SLC22A23: variants seen among roughly 807,000 people sequenced by gnomAD.
The protein encoded by SLC22A23 is ion transporter protein.
SLC22A23 carries 26 observed loss-of-function variants against 61.0 expected under a neutral mutation model. The ratio of observed to expected loss-of-function variants is 0.43; its 90% confidence interval spans 0.31 to 0.59. The LOEUF is 0.59. Ranked by LOEUF, SLC22A23 falls within the 20% of genes least tolerant of loss-of-function variation. The pLI, the probability that SLC22A23 is intolerant of heterozygous loss-of-function variation, is 0.11. For missense variants in SLC22A23, 796 were observed against 934.7 expected, an observed-to-expected ratio of 0.85 and a Z score of 1.94; for synonymous variants, 430 against 413.9, an observed-to-expected ratio of 1.04 and a Z score of -0.47.
rs4479986 is a variant in SLC22A23 at position 3,327,413 on chromosome 6, T to C, written c.914-3411A>G. ...TTTTCATTCATGGGCAGCCAGACTC[T>C]CCCTGATTATGTAAAACATTTAAGG... On this transcript the variant is annotated intron_variant, in intron 3 of 9. Coordinates refer to ENST00000406686, the MANE Select transcript of SLC22A23 (RefSeq NM_015482.2). This position sits in a 1 kb window ranked among gnomAD's most constrained non-coding sequence, Gnocchi z 4.1. Among the ~76,000 whole-genome samples the C allele has an allele frequency of 0.26, 38,931 of 152,222 alleles. 6,217 individuals carry two copies. Among genetic ancestry groups the C allele is most frequent in the African/African-American group, 0.45 (18,666 of 41,508 alleles).
intron 3 of SLC22A23, among the ~76,000 whole-genome samples, chr6:3,365,246 C>G (rs190597024): frequency 6.6e-6 from 1 of 152,096 alleles, no homozygotes; most frequent in Non-Finnish European, 1.5e-5. Flanking sequence ...CACTTGAACC[C>G]GGGAGGTGGA....
At chr6:3,274,427 G>C (rs1758710566) in intron 9 of SLC22A23, among the ~76,000 whole-genome samples, 1 of 152,220 alleles carries the variant, frequency 6.6e-6, no homozygotes, top group African/African-American at 2.4e-5. Flanking sequence ...CTCCACAGCA[G>C]CAGGTAGACT....
At chr6:3,379,872 G>A (rs1390642039) in intron 3 of SLC22A23, among the ~76,000 whole-genome samples, 6 of 152,202 alleles carry the variant, frequency 3.9e-5, no homozygotes, top group Non-Finnish European at 1.5e-5. Flanking sequence ...TATTAGGGAT[G>A]ATAAATATTG....
intron 4 of SLC22A23, among the ~76,000 whole-genome samples, chr6:3,320,112 A>G (rs6934705): frequency 0.28 from 42,947 of 152,078 alleles, 7,303 homozygotes; most frequent in Non-Finnish European, 0.39. Flanking sequence ...TGAAACCCAG[A>G]GTCCTCACGC....
intron 3 of SLC22A23, among the ~76,000 whole-genome samples, chr6:3,351,994 CACCCGA>C (rs1175705228): frequency 6.6e-6 from 1 of 152,162 alleles, no homozygotes; most frequent in Non-Finnish European, 1.5e-5. Flanking sequence ...GACTGTCCAC[CACCCGA>C]CTGGTAAGGC....
At position 3,285,088 on chromosome 6, in the gene SLC22A23, G is replaced by A. The variant is rs201461663; in HGVS notation, c.1570C>T (p.Pro524Ser). 80 of 1,613,232 alleles carry A rather than the reference G, an allele frequency of 5.0e-5. No individual in the cohort carries two copies. Among genetic ancestry groups the A allele is most frequent in the Non-Finnish European group, 6.6e-5 (78 of 1,179,652 alleles). Residue 524 changes from proline to serine, a missense_variant, in exon 8 of 10, where the codon CCA becomes TCA. Transcript: ENST00000406686. ...LNLIGKYSQH[P>S]DSGMSDSVKD... ...CGCGCTTGGGACTCACCTGAGTCTG[G>A]GTGCTGGCTGTACTTTCCAATCACT...
intron 3 of SLC22A23, among the ~76,000 whole-genome samples, chr6:3,385,691 C>T (rs1767256088): frequency 6.6e-6 from 1 of 152,190 alleles, no homozygotes. Context: ...CCTTACAAGT[C>T]TGGGCTCCTT....
chr6:3,403,535 C>G (rs982087263), intron 3 of SLC22A23, among the ~76,000 whole-genome samples: 1 of 152,340 alleles, frequency 6.6e-6, no homozygotes, highest in East Asian at 1.9e-4. Flanking sequence ...CTTACCCTAT[C>G]ACAGCATCTC....
chr6:3,454,223 A>G lies in SLC22A23; in HGVS notation c.654+1683T>C, dbSNP rs867378902. Among the ~76,000 whole-genome samples, 1 of 152,164 alleles carries G rather than the reference A, an allele frequency of 6.6e-6. No homozygotes were observed. The highest frequency in any genetic ancestry group is 2.1e-4 in the South Asian group (1 of 4,828). ...TGAGGGCTGTCTGTGACCCTCTCGA[A>G]TGCTAATTTAGAAAAACTGCCCAGC... On this transcript the variant is annotated intron_variant, in intron 1 of 9. Transcript: ENST00000406686. The surrounding 1 kb of genome is among the most constrained non-coding windows in gnomAD (Gnocchi z 4.3).
chr6:3,347,475 G>C (rs1401154446), intron 3 of SLC22A23, among the ~76,000 whole-genome samples: 4 of 151,852 alleles, frequency 2.6e-5, no homozygotes, highest in Non-Finnish European at 4.4e-5. Context: ...ACTACACCAG[G>C]AGCACTTAGT....
intron 9 of SLC22A23, among the ~76,000 whole-genome samples, chr6:3,273,935 CCTCA>C (rs1758668028): frequency 6.6e-6 from 1 of 152,186 alleles, no homozygotes; most frequent in South Asian, 2.1e-4. Flanking sequence ...AGAGTAGTTT[CCTCA>C]CTGTGAGTTG....
intron 3 of SLC22A23, among the ~76,000 whole-genome samples, chr6:3,341,473 C>T (rs577600969): frequency 1.5e-4 from 23 of 152,236 alleles, no homozygotes; most frequent in African/African-American, 5.5e-4. Context: ...CTCTCTCTCT[C>T]TTCTTCCAAC....
intron 5 of SLC22A23, among the ~76,000 whole-genome samples, chr6:3,296,195 G>A (rs1256409054): frequency 1.3e-5 from 2 of 152,234 alleles, no homozygotes; most frequent in African/African-American, 2.4e-5. Flanking sequence ...AAGCCATCTG[G>A]ACCGTCCAAA....
intron 3 of SLC22A23, among the ~76,000 whole-genome samples, chr6:3,395,495 C>T (rs1393110760): frequency 6.6e-6 from 1 of 152,194 alleles, no homozygotes; most frequent in Non-Finnish European, 1.5e-5. Context: ...CAATGACAGC[C>T]ATAAATGGAC....
intron 9 of SLC22A23, among the ~76,000 whole-genome samples, chr6:3,278,129 G>GA (rs1759083176): frequency 6.6e-6 from 1 of 152,228 alleles, no homozygotes; most frequent in Admixed American, 6.5e-5. Flanking sequence ...GAAACCATAA[G>GA]ATAGTAGATG....
At chr6:3,453,362 T>C (rs1305790642) in intron 1 of SLC22A23, among the ~76,000 whole-genome samples, 2 of 152,210 alleles carry the variant, frequency 1.3e-5, no homozygotes, top group Non-Finnish European at 2.9e-5. Flanking sequence ...ATGGACTAGC[T>C]GCCTTGTTAA....
At chr6:3,435,595 G>A (rs928180705) in intron 1 of SLC22A23, among the ~76,000 whole-genome samples, 3 of 151,994 alleles carry the variant, frequency 2.0e-5, no homozygotes, top group Admixed American at 2.0e-4. Context: ...AGACAGACTG[G>A]ACGGAAAGCC....
At chr6:3,376,238 C>G (rs1207574689) in intron 3 of SLC22A23, among the ~76,000 whole-genome samples, 2 of 152,148 alleles carry the variant, frequency 1.3e-5, no homozygotes, top group Non-Finnish European at 2.9e-5. Context: ...CAGCTGCCTC[C>G]TCCTCCTTCT....
intron 1 of SLC22A23, among the ~76,000 whole-genome samples, chr6:3,420,778 A>G (rs1384574747): frequency 6.6e-6 from 1 of 152,246 alleles, no homozygotes; most frequent in African/African-American, 2.4e-5. Context: ...TATGAAACAC[A>G]AATAGTTAAA....
Sources: gnomAD v4.1 joint callset for allele counts (sites outside exome capture counted in the v4.1 genomes callset) on GRCh38, gnomAD v4.1.1 for gene constraint, Gnocchi (gnomAD v3.1) non-coding constraint, MANE v1.5 for transcripts, NCBI Gene and HGNC (gene_info 2026-07-23, HGNC 2026-07-21) for gene names.